ARSB: variants seen among roughly 807,000 people sequenced by gnomAD.
ARSB encodes the protein N-acetylgalactosamine-4-sulfatase.
Under a neutral mutation model 50.9 loss-of-function variants are expected in ARSB, and 41 were observed. The observed-to-expected ratio is 0.81, with a 90% CI of 0.63 to 1.04. The LOEUF (loss-of-function observed/expected upper bound fraction) is 1.04. ARSB is among the 50% of genes least tolerant of loss of function. The pLI is 0.00. For missense variants in ARSB, 672 were observed against 693.3 expected, an observed-to-expected ratio of 0.97 and a Z score of 0.35; for synonymous variants, 269 against 284.8, an observed-to-expected ratio of 0.94 and a Z score of 0.56.
chr5:78,804,743 T>G (rs1187873158), intron 6 of ARSB, among the ~76,000 whole-genome samples: 1 of 152,134 alleles, frequency 6.6e-6, no homozygotes, highest in African/African-American at 2.4e-5. Context: ...CCCAGTATGG[T>G]TGGCTGCAGT....
chr5:78,936,118 T>TCC (rs1750582804), intron 4 of ARSB, among the ~76,000 whole-genome samples: 1 of 85,792 alleles, frequency 1.2e-5, no homozygotes, highest in African/African-American at 5.2e-5. Flanking sequence ...CATCCCTTCC[T>TCC]CTCTCTCTCT....
intron 4 of ARSB, among the ~76,000 whole-genome samples, chr5:78,947,034 T>C (rs1477933525): frequency 2.0e-5 from 3 of 151,678 alleles, no homozygotes; most frequent in East Asian, 3.9e-4. Flanking sequence ...GGAGAAAGGA[T>C]AGTCTCTTCA....
At chr5:78,861,612 T>C (rs953553921) in intron 5 of ARSB, among the ~76,000 whole-genome samples, 2 of 152,160 alleles carry the variant, frequency 1.3e-5, no homozygotes, top group Non-Finnish European at 2.9e-5. Flanking sequence ...GGGACATATC[T>C]AAAAACAATA....
At chr5:78,827,832 G>A (rs1744501688) in intron 6 of ARSB, among the ~76,000 whole-genome samples, 1 of 151,768 alleles carries the variant, frequency 6.6e-6, no homozygotes, top group Admixed American at 6.6e-5. Flanking sequence ...CAAAACAAGA[G>A]TCTCTACAAA....
chr5:78,802,365 A>G (rs1743424029), intron 6 of ARSB, among the ~76,000 whole-genome samples: 1 of 151,946 alleles, frequency 6.6e-6, no homozygotes, highest in Non-Finnish European at 1.5e-5. Flanking sequence ...ATGTCTCCCT[A>G]GAAAAGTATA....
At chr5:78,884,610 C>G (rs1446270416) in intron 5 of ARSB, 1 of 152,144 alleles carries the variant, frequency 6.6e-6, no homozygotes, top group African/African-American at 2.4e-5. Flanking sequence ...TAACACCAAA[C>G]AGAGGTTGAA....
intron 1 of ARSB, among the ~76,000 whole-genome samples, chr5:78,969,509 CT>C (rs1437264696): frequency 6.6e-6 from 1 of 152,172 alleles, no homozygotes; most frequent in African/African-American, 2.4e-5. Flanking sequence ...TGGTGTGAAT[CT>C]AACAAGAAAA....
chr5:78,796,116 G>A (rs1417600098), intron 6 of ARSB, among the ~76,000 whole-genome samples: 1 of 152,218 alleles, frequency 6.6e-6, no homozygotes, highest in Non-Finnish European at 1.5e-5. Flanking sequence ...GACCGTTGTA[G>A]TAAATTAAGC....
At chr5:78,891,718 A>G (rs1000459908) in intron 4 of ARSB, among the ~76,000 whole-genome samples, 1 of 152,318 alleles carries the variant, frequency 6.6e-6, no homozygotes, top group East Asian at 1.9e-4. Flanking sequence ...GCAATCGCAC[A>G]TTAGAGACTA....
chr5:78,920,762 C>T (rs1370993256), intron 4 of ARSB, among the ~76,000 whole-genome samples: 1 of 152,146 alleles, frequency 6.6e-6, no homozygotes, highest in Non-Finnish European at 1.5e-5. Flanking sequence ...ATCAGAAGTC[C>T]TTACAGCCAG....
At chr5:78,966,711 T>C (rs1284904511) in intron 2 of ARSB, among the ~76,000 whole-genome samples, 4 of 152,184 alleles carry the variant, frequency 2.6e-5, no homozygotes, top group African/African-American at 9.6e-5. Flanking sequence ...TTTAAGTACC[T>C]AACTTGGTTT....
chr5:78,799,465 G>C (rs1743297657), intron 6 of ARSB, among the ~76,000 whole-genome samples: 1 of 152,178 alleles, frequency 6.6e-6, no homozygotes. Context: ...AGCTGTGCTG[G>C]CTAGCCGAGT....
chr5:78,895,115 A>G (rs1748507279), intron 4 of ARSB, among the ~76,000 whole-genome samples: 2 of 152,240 alleles, frequency 1.3e-5, no homozygotes, highest in Admixed American at 6.5e-5. Flanking sequence ...AGTCCATGCA[A>G]TTAGAGACTA....
chr5:78,957,723 A>G (rs879344791), intron 3 of ARSB, among the ~76,000 whole-genome samples: 1 of 151,952 alleles, frequency 6.6e-6, no homozygotes, highest in African/African-American at 2.4e-5. Flanking sequence ...CGTGTAGACC[A>G]TGGTGCAGGA....
chr5:78,854,561 T>C (rs1352551010), intron 5 of ARSB, among the ~76,000 whole-genome samples: 1 of 152,240 alleles, frequency 6.6e-6, no homozygotes, highest in East Asian at 1.9e-4. Flanking sequence ...TTGTTATTGA[T>C]TTCATTGTGG....
At chr5:78,952,930 T>A (rs989958465) in intron 4 of ARSB, among the ~76,000 whole-genome samples, 2 of 152,212 alleles carry the variant, frequency 1.3e-5, no homozygotes, top group African/African-American at 2.4e-5. Context: ...ATCTTTTTTT[T>A]AATTGATTCT....
At chr5:78,864,898 T>C (rs1488836703) in intron 5 of ARSB, among the ~76,000 whole-genome samples, 1 of 152,222 alleles carries the variant, frequency 6.6e-6, no homozygotes, top group Non-Finnish European at 1.5e-5. Context: ...AAACTCCATG[T>C]CTCACATCCA....
At chr5:78,888,881 C>T (rs1002478936) in intron 4 of ARSB, among the ~76,000 whole-genome samples, 4 of 152,180 alleles carry the variant, frequency 2.6e-5, no homozygotes, top group Admixed American at 1.3e-4. Flanking sequence ...TAGCAATAAG[C>T]GATTCTATCA....
At chr5:78,920,961 AC>A (rs1749785416) in intron 4 of ARSB, among the ~76,000 whole-genome samples, 3 of 152,206 alleles carry the variant, frequency 2.0e-5, no homozygotes, top group Middle Eastern at 6.8e-3. Flanking sequence ...CCTGGATCAG[AC>A]CTGCCAGGAG....
Sources: gnomAD v4.1 joint callset for allele counts (sites outside exome capture counted in the v4.1 genomes callset) on GRCh38, gnomAD v4.1.1 for gene constraint, MANE v1.5 for transcripts, NCBI Gene and HGNC (gene_info 2026-07-23, HGNC 2026-07-21) for gene names.